Variants in INSR observed in about 807,000 individuals in gnomAD.
INSR encodes insulin receptor, also known as IR.
INSR carries 67 observed loss-of-function variants against 142.6 expected under a neutral mutation model. The observed-to-expected ratio is 0.47, with a 90% CI of 0.39 to 0.58. The LOEUF (loss-of-function observed/expected upper bound fraction) is 0.58. Among genes scored for constraint, INSR ranks in the 20% least tolerant of loss-of-function variants. The pLI, the probability that INSR is intolerant of heterozygous loss-of-function variation, is 0.00. For synonymous variants in INSR, 756 were observed against 743.1 expected (o/e 1.02, Z -0.28); for missense variants, 1,248 against 1,833.2 (o/e 0.68, Z 5.83).
At chr19:7,226,932 A>T (rs769340722) in intron 2 of INSR, among the ~76,000 whole-genome samples, 29 of 152,204 alleles carry the variant, frequency 1.9e-4, no homozygotes, top group Non-Finnish European at 2.6e-4. Flanking sequence ...CTCCACTTGG[A>T]TGCTGGAAAT....
chr19:7,191,174 G>A (rs764450029), intron 2 of INSR, among the ~76,000 whole-genome samples: 5 of 152,072 alleles, frequency 3.3e-5, no homozygotes, highest in African/African-American at 4.8e-5. Flanking sequence ...GCAGGTGCCT[G>A]TAATCCCAGC....
chr19:7,122,622 T>C lies in INSR; in HGVS notation c.3521A>G (p.Lys1174Arg). ...CAGAAAGCCAGACGAACCTCCAATT[T>C]TGACAGTAAAATCATGGGCGACCAT... The part of the protein sequence containing the change: ...NCMVAHDFTV[K>R]IGDFGMTRDI... The change falls in exon 19 of 22, where the codon AAA (lysine) becomes AGA (arginine). Residue 1174 changes from lysine (K) to arginine (R), a missense_variant. Around this residue, in one of 3 missense-constraint regions of INSR, gnomAD observed 1,069 missense variants for 1,654.0 expected, o/e 0.65. Coordinates refer to ENST00000302850, the MANE Select transcript of INSR (RefSeq NM_000208.4). 6.2e-7 allele frequency: 1 copy of C among 1,614,194 alleles called. No homozygotes were observed. The highest frequency in any genetic ancestry group is 8.5e-7 in the Non-Finnish European group (1 of 1,180,040).
chr19:7,235,975 T>TC (rs1976147274), intron 2 of INSR, among the ~76,000 whole-genome samples: 2 of 149,984 alleles, frequency 1.3e-5, no homozygotes, highest in South Asian at 4.2e-4. Context: ...CCTTTCCTTT[T>TC]TTTTTTTTTT....
chr19:7,154,594 A>ACG (rs1973541919), intron 9 of INSR, among the ~76,000 whole-genome samples: 1 of 146,246 alleles, frequency 6.8e-6, no homozygotes, highest in Non-Finnish European at 1.5e-5. Flanking sequence ...GAGCCACTGC[A>ACG]CCCGGCCCAC....
rs147976540 is a variant in INSR, at chr19:7,201,441, A to C, written c.653-16804T>G. Among the ~76,000 whole-genome samples, 617 of 152,074 alleles carry C rather than the reference A, an allele frequency of 4.1e-3. 5 individuals carry two copies. Among genetic ancestry groups the C allele is most frequent in the Middle Eastern group, 0.031 (9 of 294 alleles). On this transcript the variant is annotated intron_variant, in intron 2 of 21. Coordinates refer to ENST00000302850, the MANE Select transcript of INSR (RefSeq NM_000208.4). ...GGAGTTCAAGACCAGCCTGGCCAACAGGGTGAAATCACTTCTCTACTAAAA... is the reference window on the plus strand; with the variant it reads ...GGAGTTCAAGACCAGCCTGGCCAACCGGGTGAAATCACTTCTCTACTAAAA...
chr19:7,170,086 G>A (rs1177945183), intron 6 of INSR, among the ~76,000 whole-genome samples: 1 of 152,126 alleles, frequency 6.6e-6, no homozygotes, highest in African/African-American at 2.4e-5. Flanking sequence ...GTGAGTGATA[G>A]GTGAGCAAGT....
At position 7,115,967 on chromosome 19, in the gene INSR, T is replaced by A. The variant is rs116422284; in HGVS notation, c.*1089A>T. The stretch of plus-strand genomic sequence containing the variant: ...GCCCCACAACAGGCAGACCAACTCA[T>A]GTCCCCACTCCCCGCCAACCCCGGG... On this transcript the variant is annotated 3_prime_UTR_variant, in exon 22 of 22. Transcript: ENST00000302850. 1 of 152,084 alleles carries A rather than the reference T, an allele frequency of 6.6e-6. No individual in the cohort carries two copies. The highest frequency in any genetic ancestry group is 1.5e-5 in the Non-Finnish European group (1 of 68,006). The allele number at this position is 152,084 out of a possible 1,614,324, so 9.4% of individuals were successfully genotyped here.
intron 19 of INSR, 59 bp downstream of exon 19, chr19:7,122,555 C>T (rs1233416719): frequency 6.3e-7 from 1 of 1,585,808 alleles, no homozygotes; most frequent in Non-Finnish European, 8.7e-7. Flanking sequence ...AGACAACTTC[C>T]TTCTGAAATC....
chr19:7,153,101 A>C, intron 9 of INSR, among the ~76,000 whole-genome samples, 174 bp from the exon 10 acceptor site: 1 of 138,478 alleles, frequency 7.2e-6, no homozygotes, highest in African/African-American at 2.8e-5. Flanking sequence ...ACATACACAC[A>C]CCACAAACAC....
At chr19:7,252,602 G>T (rs74569625) in intron 2 of INSR, among the ~76,000 whole-genome samples, 16 of 152,082 alleles carry the variant, frequency 1.1e-4, no homozygotes, top group Non-Finnish European at 2.4e-4. Flanking sequence ...TTCGCACACC[G>T]CGTGTGGACA....
At chr19:7,173,154 C>T (rs1974057912) in intron 4 of INSR, among the ~76,000 whole-genome samples, 1 of 152,160 alleles carries the variant, frequency 6.6e-6, no homozygotes, top group Non-Finnish European at 1.5e-5. Flanking sequence ...TACCCTGCTG[C>T]ACTTCCCTTC....
intron 2 of INSR, among the ~76,000 whole-genome samples, chr19:7,208,966 G>T (rs1975196691): frequency 6.6e-6 from 1 of 151,946 alleles, no homozygotes; most frequent in Non-Finnish European, 1.5e-5. Flanking sequence ...TGGCGCCACT[G>T]CATTCCAGCC....
chr19:7,168,138 T>C lies in INSR; in HGVS notation c.1484-44A>G, dbSNP rs373084897. 1.1e-5 allele frequency: 18 copies of C among 1,607,102 alleles called. No individual in the cohort carries two copies. In the Admixed American group the frequency reaches 1.7e-4, roughly 15 times the overall value. ...AAGGCAAAAATGAGCTATTTCAGTGTAGTTTCAGACCAAAGCCTGGGACCC... is the reference window on the plus strand; with the variant it reads ...AAGGCAAAAATGAGCTATTTCAGTGCAGTTTCAGACCAAAGCCTGGGACCC... On this transcript the variant is annotated intron_variant, in intron 6 of 21. Coordinates refer to ENST00000302850, the MANE Select transcript of INSR (RefSeq NM_000208.4). The surrounding 1 kb of genome is among the most constrained non-coding windows in gnomAD (Gnocchi z 4.3).
At chr19:7,281,681 T>C (rs1968207556) in intron 1 of INSR, among the ~76,000 whole-genome samples, 1 of 152,012 alleles carries the variant, frequency 6.6e-6, no homozygotes, top group African/African-American at 2.4e-5. Flanking sequence ...ACCCTGTCTC[T>C]AATGATAAGA....
At position 7,160,224 on chromosome 19, in the gene INSR, G is replaced by A. The variant is rs568043813; in HGVS notation, c.2029+2808C>T. 9.9e-5 allele frequency among the ~76,000 whole-genome samples: 15 copies of A among 151,972 alleles called. No individual in the cohort carries two copies. The South Asian group carries it at 1.7e-3, about 17-fold the overall frequency. The stretch of plus-strand genomic sequence containing the variant: ...GGCTGGAGTGCAATGGTGCAAGCTC[G>A]GCTCATTGCAACCTCCACCTCCCGG... On this transcript the variant is annotated intron_variant, in intron 9 of 21. Coordinates refer to ENST00000302850, the MANE Select transcript of INSR (RefSeq NM_000208.4).
At chr19:7,182,995 T>A (rs974528983) in intron 3 of INSR, among the ~76,000 whole-genome samples, 1 of 150,720 alleles carries the variant, frequency 6.6e-6, no homozygotes, top group Admixed American at 6.6e-5. Flanking sequence ...AGCCAAAAGG[T>A]TTTTTTGGTA....
rs760821503 is a variant in INSR at position 7,128,991 on chromosome 19, T to C, written c.2843-37A>G. On this transcript the variant is annotated intron_variant, in intron 14 of 21. Transcript: ENST00000302850. ...TAAGAAAATATATGTTTCATATCAA[T>C]GTGTTTCCAACAAAGTTCACATCAA... The C allele has an allele frequency of 9.9e-6, 15 of 1,516,718 alleles. No homozygotes were observed. In the South Asian group the frequency reaches 1.5e-4, roughly 15 times the overall value. The allele number at this position is 1,516,718 out of a possible 1,614,324, so 94.0% of individuals were successfully genotyped here. A position where few individuals can be genotyped will look rare whatever the true frequency, so the allele number is the denominator to read the frequency against.
chr19:7,132,350 C>A, intron 13 of INSR, 33 bp from the exon 14 acceptor site: 2 of 1,608,058 alleles, frequency 1.2e-6, no homozygotes, highest in Non-Finnish European at 1.7e-6. Flanking sequence ...AGGAGGGTGG[C>A]TGAGCTTTGC....
intron 2 of INSR, among the ~76,000 whole-genome samples, chr19:7,233,593 T>C (rs890862): frequency 0.75 from 113,100 of 151,272 alleles, 42,739 homozygotes; most frequent in African/African-American, 0.83. Flanking sequence ...CTATGCCTTA[T>C]ACCAAGGATG....
Sources: gnomAD v4.1 joint callset for allele counts (sites outside exome capture counted in the v4.1 genomes callset) on GRCh38, gnomAD v4.1.1 for gene constraint, gnomAD v4.1.1 regional missense constraint, Gnocchi (gnomAD v3.1) non-coding constraint, MANE v1.5 for transcripts, NCBI Gene and HGNC (gene_info 2026-07-23, HGNC 2026-07-21) for gene names.